ABCA12: variants seen among roughly 807,000 people sequenced by gnomAD.
ABCA12 encodes ATP binding cassette subfamily A member 12.
A neutral mutation model predicts 293.5 loss-of-function variants in ABCA12; 156 were observed. The ratio of observed to expected loss-of-function variants is 0.53; its 90% CI spans 0.47 to 0.61. The LOEUF is 0.61. ABCA12 is among the 20% of genes least tolerant of loss of function. The pLI is 0.00. For missense variants in ABCA12, 2,797 were observed against 3,090.2 expected (o/e 0.91, Z 2.25); for synonymous variants, 1,063 against 1,108.0 (o/e 0.96, Z 0.81).
At chr2:214,951,141 T>A (rs2105927950) in intron 44 of ABCA12, 58 bp from the exon 45 acceptor site, 2 of 1,485,734 alleles carry the variant, frequency 1.3e-6, no homozygotes, top group Middle Eastern at 3.4e-4. Flanking sequence ...CATTCAATTT[T>A]GACATGTTTT....
intron 1 of ABCA12, among the ~76,000 whole-genome samples, chr2:215,116,593 A>G (rs1702691291): frequency 6.6e-6 from 1 of 152,124 alleles, no homozygotes; most frequent in African/African-American, 2.4e-5. Flanking sequence ...ATTTAATTAA[A>G]TAAACTAGGA....
In ABCA12 at chr2:215,106,558, T is replaced by C. The variant is rs577613249; in HGVS notation, c.163+5039A>G. On this transcript the variant is annotated intron_variant, in intron 2 of 52. Coordinates refer to ENST00000272895, the MANE Select transcript of ABCA12 (RefSeq NM_173076.3). ...CTTGGTAAATTACTTAACACATTAT[T>C]TGTGTCTCAATTTTCTCATCTTTAA... Among the ~76,000 whole-genome samples, 23 of 152,278 alleles carry C rather than the reference T, an allele frequency of 1.5e-4. No homozygotes were observed. The South Asian group carries it at 4.1e-3, about 27-fold the overall frequency.
intron 6 of ABCA12, among the ~76,000 whole-genome samples, chr2:215,048,169 G>C (rs1378030651): frequency 6.6e-6 from 1 of 152,060 alleles, no homozygotes; most frequent in Non-Finnish European, 1.5e-5. Context: ...AAAAATAACA[G>C]ATGCTGGTGA....
In ABCA12 at chr2:215,058,407, A is replaced by G. The variant is rs185467867; in HGVS notation, c.318-3743T>C. On this transcript the variant is annotated intron_variant, in intron 3 of 52. Coordinates refer to ENST00000272895, the MANE Select transcript of ABCA12 (RefSeq NM_173076.3). Reference sequence around the variant, plus strand: ...CAATGACAGATAATGGAATTATTCAACTCATCCCCATTTCCAGTCCCCATG... The same window carrying G: ...CAATGACAGATAATGGAATTATTCAGCTCATCCCCATTTCCAGTCCCCATG... 7.2e-5 allele frequency among the ~76,000 whole-genome samples: 11 copies of G among 152,102 alleles called. No homozygotes were observed. In the East Asian group the frequency reaches 2.1e-3, roughly 30 times the overall value.
At chr2:214,968,062 C>T (rs938825781) in intron 38 of ABCA12, among the ~76,000 whole-genome samples, 1 of 152,130 alleles carries the variant, frequency 6.6e-6, no homozygotes, top group Non-Finnish European at 1.5e-5. Context: ...TAAACATATA[C>T]ATTTTCATTT....
Position 215,019,598 on chromosome 2 carries a change from T to C in ABCA12, c.1486A>G (p.Lys496Glu), listed in dbSNP as rs1275884429. The change falls in exon 12 of 53, where the codon AAA becomes GAA. Residue 496 changes from lysine to glutamate, a missense_variant. By Grantham distance (56) the Lys-to-Glu change is moderately conservative (BLOSUM62 1). Coordinates refer to ENST00000272895, the MANE Select transcript of ABCA12 (RefSeq NM_173076.3). ...SLLYHDNVIS[K>E]KVRDLLTGDP... ...CCAGTCAGCAAATCTCTCACTTTTT[T>C]AGATATGACATTGTCATGGTACAGT... The C allele has an allele frequency of 3.1e-6, 5 of 1,614,224 alleles. No homozygotes were observed. The highest frequency in any genetic ancestry group is 4.2e-6 in the Non-Finnish European group (5 of 1,180,044).
chr2:214,951,173 C>G, intron 44 of ABCA12, 90 bp from the exon 45 acceptor site: 1 of 1,128,262 alleles, frequency 8.9e-7, no homozygotes, highest in Middle Eastern at 2.1e-4. Context: ...ATGTCACTAA[C>G]AGTGTACTAG....
Position 214,953,879 on chromosome 2 carries a change from T to G in ABCA12, c.6622A>C (p.Asn2208His). The change falls in exon 44 of 53, where the codon AAC (asparagine) becomes CAC (histidine). Residue 2208 changes from asparagine (N) to histidine (H), a missense_variant. By Grantham distance (68) the Asn-to-His change is moderately conservative. Transcript: ENST00000272895. ...CTGAGTTTCTTTATCAGGGATTCGT[T>G]GATTAAGAGTCGCAAGGAAAAAAAC... ...TMFFSLRLLI[N>H]ESLIKKLRLF... 2 of 1,613,996 alleles carry G rather than the reference T, an allele frequency of 1.2e-6. No homozygotes were observed. The highest frequency in any genetic ancestry group is 4.5e-5 in the East Asian group (2 of 44,828).
At chr2:214,976,133 G>A in intron 33 of ABCA12, 96 bp from the exon 34 acceptor site, 2 of 1,495,220 alleles carry the variant, frequency 1.3e-6, no homozygotes, top group Non-Finnish European at 1.8e-6. Flanking sequence ...AATACACTGT[G>A]GTGGGAAAAG....
rs1433760495 is a variant in ABCA12 at position 214,966,765 on chromosome 2, G to T, written c.5884+83C>A. 3.9e-6 allele frequency: 5 copies of T among 1,287,172 alleles called. No individual in the cohort carries two copies. The East Asian group carries it at 1.2e-4, about 30-fold the overall frequency. 79.7% of individuals were successfully genotyped at this position (1,287,172 alleles called of 1,614,324 possible). A position where few individuals can be genotyped will look rare whatever the true frequency, so the allele number is the denominator to read the frequency against. ...ATACCATAAAATACCTGCCACCTGTGAAGAAACAGGATATAAAGTGCATTT... is the reference window on the plus strand; with the variant it reads ...ATACCATAAAATACCTGCCACCTGTTAAGAAACAGGATATAAAGTGCATTT... On this transcript the variant is annotated intron_variant, in intron 39 of 52. Transcript: ENST00000272895.
At chr2:215,115,910 T>C (rs1702676294) in intron 1 of ABCA12, among the ~76,000 whole-genome samples, 1 of 151,874 alleles carries the variant, frequency 6.6e-6, no homozygotes, top group African/African-American at 2.4e-5. Flanking sequence ...CCAAGTGGGG[T>C]GAAGAAGGTG....
intron 37 of ABCA12, among the ~76,000 whole-genome samples, chr2:214,969,085 C>A (rs1559120837): frequency 6.6e-6 from 1 of 152,138 alleles, no homozygotes; most frequent in African/African-American, 2.4e-5. Context: ...TAATCAATTT[C>A]TCCAACTTAA....
intron 11 of ABCA12, 45 bp downstream of exon 11, chr2:215,025,628 G>GTTTTTTTTTTTTTTTTTTTTTTTTT (rs5838480): frequency 2.5e-6 from 3 of 1,203,820 alleles, no homozygotes; most frequent in African/African-American, 3.2e-5. Flanking sequence ...TTGTCTTTTT[G>GTTTTTTTTTTTTTTTTTTTTTTTTT]TTTTTTTTTT....
At chr2:215,004,128 G>T in intron 20 of ABCA12, 81 bp downstream of exon 20, 1 of 1,246,378 alleles carries the variant, frequency 8.0e-7, no homozygotes, top group Non-Finnish European at 1.2e-6. Flanking sequence ...AGAAAAGGGG[G>T]GAAAATGTAA....
At chr2:215,012,764 G>A (rs570226959) in intron 15 of ABCA12, among the ~76,000 whole-genome samples, 64 of 152,098 alleles carry the variant, frequency 4.2e-4, no homozygotes, top group Non-Finnish European at 6.9e-4. Flanking sequence ...AGTTAATCAC[G>A]AAAAATGAGT....
At chr2:214,952,671 C>CT (rs1371099833) in intron 44 of ABCA12, among the ~76,000 whole-genome samples, 1 of 152,194 alleles carries the variant, frequency 6.6e-6, no homozygotes, top group South Asian at 2.1e-4. Flanking sequence ...TCAAGCACAA[C>CT]TTGATCATGT....
Position 215,055,502 on chromosome 2 carries a change from C to T in ABCA12, c.318-838G>A, listed in dbSNP as rs553925660. ...TTCAAAAATAAAATCAGTCTAAATG[C>T]CAGGATGCAAATAATTTTTAGAATT... On this transcript the variant is annotated intron_variant, in intron 3 of 52. Coordinates refer to ENST00000272895, the MANE Select transcript of ABCA12 (RefSeq NM_173076.3). 4.6e-5 allele frequency among the ~76,000 whole-genome samples: 7 copies of T among 152,008 alleles called. No homozygotes were observed. The South Asian group carries it at 1.5e-3, about 32-fold the overall frequency.
chr2:215,091,465 T>A (rs1191885561), intron 2 of ABCA12, among the ~76,000 whole-genome samples: 1 of 151,174 alleles, frequency 6.6e-6, no homozygotes, highest in Non-Finnish European at 1.5e-5. Context: ...AATCAGTTAG[T>A]GTTTAGGCTC....
chr2:215,007,021 G>A (rs1267172075), intron 19 of ABCA12, among the ~76,000 whole-genome samples: 1 of 151,698 alleles, frequency 6.6e-6, no homozygotes, highest in African/African-American at 2.4e-5. Context: ...GATTACAGGC[G>A]CCCGCCACCA....
Sources: gnomAD v4.1 joint callset for allele counts (sites outside exome capture counted in the v4.1 genomes callset) on GRCh38, gnomAD v4.1.1 for gene constraint, MANE v1.5 for transcripts, NCBI Gene and HGNC (gene_info 2026-07-23, HGNC 2026-07-21) for gene names.